Variants in ASPRV1 observed in about 807,000 individuals in gnomAD.
The protein encoded by ASPRV1 is aspartic peptidase retroviral like 1.
A neutral mutation model predicts 11.0 loss-of-function variants in ASPRV1; 7 were observed. The observed-to-expected ratio is 0.64, with a 90% confidence interval of 0.36 to 1.20. The LOEUF is 1.20. Ranked by LOEUF, ASPRV1 falls within the 50% of genes most tolerant of loss-of-function variation. ASPRV1 has a pLI of 0.02. For synonymous variants in ASPRV1, 136 were observed against 138.4 expected (o/e 0.98, Z 0.12); for missense variants, 299 against 320.0 (o/e 0.93, Z 0.50).
the ASPRV1 span, among the ~76,000 whole-genome samples, chr2:69,972,594 G>A: frequency 6.6e-6 from 1 of 152,110 alleles, no homozygotes; most frequent in African/African-American, 2.4e-5. Flanking sequence ...CTGACCTCAG[G>A]TGATCTGCCT....
chr2:70,061,045 T>C, the ASPRV1 span, among the ~76,000 whole-genome samples: 4 of 152,094 alleles, frequency 2.6e-5, no homozygotes, highest in African/African-American at 7.2e-5. Context: ...ACAGTTTCTT[T>C]ATATAGAGCG....
At chr2:69,958,615 G>A (rs1360294238), downstream of ASPRV1, among the ~76,000 whole-genome samples, 2 of 142,230 alleles carry the variant, frequency 1.4e-5, no homozygotes, top group Admixed American at 6.9e-5. Flanking sequence ...TACCCAGCAC[G>A]TGGCTGGGAT....
At chr2:69,994,474 A>G in the ASPRV1 span, among the ~76,000 whole-genome samples, 7 of 152,218 alleles carry the variant, frequency 4.6e-5, no homozygotes, top group Non-Finnish European at 8.8e-5. Context: ...GGATGAGCTC[A>G]TCATGTGCTA....
the ASPRV1 span, among the ~76,000 whole-genome samples, chr2:69,997,732 G>A: frequency 1.3e-5 from 2 of 152,190 alleles, no homozygotes; most frequent in Non-Finnish European, 2.9e-5. Context: ...GACCTGGGGA[G>A]GCATTTAAAA....
chr2:70,011,401 C>T, the ASPRV1 span, among the ~76,000 whole-genome samples: 6 of 151,988 alleles, frequency 3.9e-5, no homozygotes, highest in South Asian at 2.1e-4. Context: ...AAGGGATGAG[C>T]GCCTGAGCTG....
chr2:69,954,616 C>A, the ASPRV1 span, among the ~76,000 whole-genome samples: 1 of 152,298 alleles, frequency 6.6e-6, no homozygotes, highest in East Asian at 1.9e-4. Flanking sequence ...TCTCTGTTAG[C>A]CAACACCAGC....
At chr2:69,942,615 C>T in the ASPRV1 span, 1 of 152,160 alleles carries the variant, frequency 6.6e-6, no homozygotes, top group African/African-American at 2.4e-5. Flanking sequence ...ACCTGACAAC[C>T]AAACTTGCCT....
chr2:69,967,228 A>G, the ASPRV1 span, among the ~76,000 whole-genome samples: 1 of 152,220 alleles, frequency 6.6e-6, no homozygotes, highest in Non-Finnish European at 1.5e-5. Context: ...TTCACAGATA[A>G]GTAAGAGAGA....
chr2:69,956,392 G>C (rs1156319397), downstream of ASPRV1, among the ~76,000 whole-genome samples: 3 of 149,302 alleles, frequency 2.0e-5, no homozygotes, highest in Admixed American at 6.7e-5. Flanking sequence ...AGACCAGCTA[G>C]GGCAAAAAAG....
chr2:69,952,123 T>C, the ASPRV1 span, among the ~76,000 whole-genome samples: 1 of 152,204 alleles, frequency 6.6e-6, no homozygotes, highest in African/African-American at 2.4e-5. Flanking sequence ...CAATCTCAGT[T>C]CAGCCACTTA....
At chr2:69,956,545 A>AG (rs1677946215), downstream of ASPRV1, among the ~76,000 whole-genome samples, 1 of 151,864 alleles carries the variant, frequency 6.6e-6, no homozygotes, top group Admixed American at 6.6e-5. Context: ...GAGGAGGAGA[A>AG]GAAGAAGAAG....
chr2:69,935,502 T>A, the ASPRV1 span: 3 of 1,405,230 alleles, frequency 2.1e-6, no homozygotes, highest in Non-Finnish European at 3.0e-6. Context: ...TATCTTTACC[T>A]GTTCAGTGAG....
rs1379003331 is a variant in ASPRV1 at position 69,960,250 on chromosome 2, TGCA to T, written c.*404_*406del. 1 of 186,100 alleles carries T rather than the reference TGCA, an allele frequency of 5.4e-6. No individual in the cohort carries two copies. The highest frequency in any genetic ancestry group is 2.3e-5 in the African/African-American group (1 of 42,736). The allele number at this position is 186,100 out of a possible 1,614,324, so 11.5% of individuals were successfully genotyped here. ...GCAACTGTGACCCTCACAAAGACCCTGCAGCTAGGACCCAGCCCAACTAAGACA... is the reference window on the plus strand; with the variant it reads ...GCAACTGTGACCCTCACAAAGACCCTGCTAGGACCCAGCCCAACTAAGACA... On this transcript the variant is annotated 3_prime_UTR_variant, in exon 1 of 1. Transcript: ENST00000320256.
the ASPRV1 span, among the ~76,000 whole-genome samples, chr2:70,021,672 T>C: frequency 6.6e-6 from 1 of 150,904 alleles, no homozygotes; most frequent in African/African-American, 2.4e-5. Flanking sequence ...TAGTTAACAA[T>C]ACGGTATTGT....
chr2:70,047,467 C>A, the ASPRV1 span, among the ~76,000 whole-genome samples: 1 of 152,166 alleles, frequency 6.6e-6, no homozygotes, highest in Non-Finnish European at 1.5e-5. Context: ...CTGTTCACAG[C>A]CATGTAACTA....
At chr2:70,037,361 T>G in the ASPRV1 span, among the ~76,000 whole-genome samples, 1 of 152,220 alleles carries the variant, frequency 6.6e-6, no homozygotes, top group Non-Finnish European at 1.5e-5. Context: ...TCTTGCTCTG[T>G]CACTCAGGCT....
At chr2:69,977,529 G>A in the ASPRV1 span, among the ~76,000 whole-genome samples, 47 of 152,288 alleles carry the variant, frequency 3.1e-4, no homozygotes, top group South Asian at 9.3e-3. Context: ...GACCTTGGGC[G>A]AGGTCCTCTG....
chr2:70,016,671 C>A, the ASPRV1 span, among the ~76,000 whole-genome samples: 2 of 152,000 alleles, frequency 1.3e-5, no homozygotes, highest in Admixed American at 6.6e-5. Context: ...TGGTGAAGAC[C>A]CATCTCTACT....
the ASPRV1 span, among the ~76,000 whole-genome samples, chr2:70,010,152 A>C: frequency 2.6e-5 from 4 of 152,160 alleles, no homozygotes; most frequent in African/African-American, 9.7e-5. Context: ...GGGATGCCCA[A>C]AATGCTCATG....
Sources: gnomAD v4.1 joint callset for allele counts (sites outside exome capture counted in the v4.1 genomes callset) on GRCh38, gnomAD v4.1.1 for gene constraint, MANE v1.5 for transcripts, NCBI Gene and HGNC (gene_info 2026-07-23, HGNC 2026-07-21) for gene names.